The following CNTNAP2 variants were observed in gnomAD, a reference collection of about 807,000 sequenced individuals.
CNTNAP2 encodes contactin-associated protein-like 2.
In CNTNAP2, 98 loss-of-function variants were observed where a neutral mutation model predicts 155.2. The observed-to-expected ratio is 0.63, with a 90% CI of 0.54 to 0.75. The LOEUF is 0.75. Among genes scored for constraint, CNTNAP2 ranks in the 30% least tolerant of loss-of-function variants. The probability of loss-of-function intolerance (pLI) is 0.00; values close to 1 mark genes in which losing one functional copy is unlikely to be tolerated. For missense variants in CNTNAP2, 1,727 were observed against 1,688.1 expected (o/e 1.02, Z -0.40); for synonymous variants, 651 against 631.2 (o/e 1.03, Z -0.47).
chr7:146,193,611 C>T (rs2116855890), intron 1 of CNTNAP2, among the ~76,000 whole-genome samples: 1 of 152,300 alleles, frequency 6.6e-6, no homozygotes, highest in Middle Eastern at 3.4e-3. Flanking sequence ...GGGCCCTGTC[C>T]ACAAAACCAT....
intron 1 of CNTNAP2, among the ~76,000 whole-genome samples, chr7:146,455,148 C>CT (rs1796538361): frequency 1.3e-5 from 2 of 152,132 alleles, no homozygotes; most frequent in Admixed American, 1.3e-4. Flanking sequence ...ACTAAGGCAT[C>CT]TTTTGATAAT....
At chr7:147,268,542 G>A (rs934492450) in intron 8 of CNTNAP2, among the ~76,000 whole-genome samples, 5 of 152,118 alleles carry the variant, frequency 3.3e-5, no homozygotes, top group African/African-American at 1.2e-4. Context: ...GATCGCGTAA[G>A]GAGAAATACC....
At chr7:147,224,250 A>G (rs1233701436) in intron 8 of CNTNAP2, among the ~76,000 whole-genome samples, 1 of 152,214 alleles carries the variant, frequency 6.6e-6, no homozygotes, top group East Asian at 1.9e-4. Context: ...CAAGCTCCTT[A>G]CATGAAGAAC....
At chr7:148,274,592 C>T (rs1289734493) in intron 21 of CNTNAP2, among the ~76,000 whole-genome samples, 1 of 152,172 alleles carries the variant, frequency 6.6e-6, no homozygotes, top group Non-Finnish European at 1.5e-5. Context: ...CTCCCCCCAA[C>T]ACTCTTCCTC....
At chr7:146,149,596 A>T (rs894149644) in intron 1 of CNTNAP2, among the ~76,000 whole-genome samples, 4 of 152,130 alleles carry the variant, frequency 2.6e-5, no homozygotes, top group Non-Finnish European at 5.9e-5. Flanking sequence ...AACTAGATCC[A>T]CGCAGATATG....
At chr7:147,072,647 T>A (rs762507888) in intron 4 of CNTNAP2, among the ~76,000 whole-genome samples, 1 of 152,062 alleles carries the variant, frequency 6.6e-6, no homozygotes, top group South Asian at 2.1e-4. Context: ...GTGGGTTACA[T>A]GTGGGCTGTG....
intron 14 of CNTNAP2, among the ~76,000 whole-genome samples, chr7:147,907,461 T>C (rs1799982948): frequency 6.6e-6 from 1 of 152,182 alleles, no homozygotes; most frequent in South Asian, 2.1e-4. Context: ...CACCAGCACC[T>C]AGCAAAGGCC....
chr7:146,532,607 A>G (rs552065662), intron 1 of CNTNAP2, among the ~76,000 whole-genome samples: 5 of 152,286 alleles, frequency 3.3e-5, no homozygotes, highest in Non-Finnish European at 7.4e-5. Flanking sequence ...TTTGGAACTC[A>G]TTTCTATATC....
At chr7:147,949,861 G>C (rs1343660599) in intron 14 of CNTNAP2, among the ~76,000 whole-genome samples, 1 of 152,108 alleles carries the variant, frequency 6.6e-6, no homozygotes, top group African/African-American at 2.4e-5. Flanking sequence ...TGAGGTCCAG[G>C]TAGAATGGGT....
chr7:146,875,934 C>CAAAAAAAAAAAAAAAA, intron 3 of CNTNAP2, among the ~76,000 whole-genome samples: 47 of 55,140 alleles, frequency 8.5e-4, no homozygotes, highest in South Asian at 1.5e-3. Context: ...ACATACACAG[C>CAAAAAAAAAAAAAAAA]AAAAAAAAAA....
At chr7:147,402,564 A>C (rs535023104) in intron 10 of CNTNAP2, among the ~76,000 whole-genome samples, 3 of 152,176 alleles carry the variant, frequency 2.0e-5, no homozygotes, top group Non-Finnish European at 4.4e-5. Flanking sequence ...GTTGGTGACT[A>C]TACACACTAG....
intron 4 of CNTNAP2, among the ~76,000 whole-genome samples, chr7:147,098,091 T>G (rs1800580868): frequency 6.6e-6 from 1 of 152,196 alleles, no homozygotes; most frequent in South Asian, 2.1e-4. Flanking sequence ...TTGCCAACAC[T>G]GTAAGAACAT....
rs149269788 is a variant in CNTNAP2 at position 146,261,420 on chromosome 7, A to G, written c.97+144447A>G. ...CATTTAAGTCATCTCTCAACTCCCAACTATATCCCAAATACACATGCAATT... is the reference window on the plus strand; with the variant it reads ...CATTTAAGTCATCTCTCAACTCCCAGCTATATCCCAAATACACATGCAATT... On this transcript the variant is annotated intron_variant, in intron 1 of 23. Coordinates refer to ENST00000361727, the MANE Select transcript of CNTNAP2 (RefSeq NM_014141.6). Among the ~76,000 whole-genome samples the G allele has an allele frequency of 5.6e-3, 842 of 151,654 alleles. 13 individuals carry two copies. The highest frequency in any genetic ancestry group is 0.019 in the African/African-American group (803 of 41,334).
At chr7:147,309,095 C>T (rs1271067377) in intron 9 of CNTNAP2, among the ~76,000 whole-genome samples, 1 of 152,116 alleles carries the variant, frequency 6.6e-6, no homozygotes, top group Non-Finnish European at 1.5e-5. Context: ...GGCCTTTGTT[C>T]CATCAGTGTT....
intron 17 of CNTNAP2, among the ~76,000 whole-genome samples, chr7:148,149,308 A>G (rs1425566416): frequency 6.6e-6 from 1 of 152,202 alleles, no homozygotes; most frequent in Admixed American, 6.5e-5. Context: ...AGGAACATCA[A>G]TTCACTTAAA....
chr7:147,516,430 T>C (rs968348900), intron 11 of CNTNAP2, among the ~76,000 whole-genome samples: 1 of 152,228 alleles, frequency 6.6e-6, no homozygotes, highest in African/African-American at 2.4e-5. Context: ...GGGGCCAATA[T>C]TAAAATTCCA....
At chr7:148,083,865 A>G (rs1372044161) in intron 15 of CNTNAP2, among the ~76,000 whole-genome samples, 2 of 152,210 alleles carry the variant, frequency 1.3e-5, no homozygotes, top group East Asian at 1.9e-4. Context: ...TAGAAATTAC[A>G]TAACTAAGAG....
At chr7:146,835,796 G>T (rs571666176) in intron 2 of CNTNAP2, among the ~76,000 whole-genome samples, 1 of 152,216 alleles carries the variant, frequency 6.6e-6, no homozygotes, top group African/African-American at 2.4e-5. Flanking sequence ...AGAAAGGAAT[G>T]AAACAGAAAT....
At position 147,119,082 on chromosome 7, in the gene CNTNAP2, T is replaced by C. The variant is rs566845958; in HGVS notation, c.755-1897T>C. Among the ~76,000 whole-genome samples, 44 of 152,262 alleles carry C rather than the reference T, an allele frequency of 2.9e-4. 1 individual carries two copies. Among genetic ancestry groups the C allele is most frequent in the South Asian group, 2.1e-4 (1 of 4,820 alleles). On this transcript the variant is annotated intron_variant, in intron 5 of 23. Transcript: ENST00000361727. ...ACCAGAAACAAAAGACATTTTTGTT[T>C]TTTGTACACATAAAAACATTTTATG...
Sources: allele counts gnomAD v4.1 joint callset (sites outside exome capture counted in the v4.1 genomes callset), GRCh38; gene constraint gnomAD v4.1.1; transcripts MANE v1.5; gene names NCBI Gene and HGNC (gene_info 2026-07-23, HGNC 2026-07-21).